Variants in NOL3 observed in about 807,000 individuals in gnomAD.
The protein encoded by NOL3 is muscle-enriched cytoplasmic protein.
A neutral mutation model predicts 19.2 loss-of-function variants in NOL3; 18 were observed. That is an observed-to-expected ratio of 0.94 (90% confidence interval 0.65 to 1.39). NOL3 has a LOEUF of 1.39. Ranked by LOEUF, NOL3 falls within the 40% of genes most tolerant of loss-of-function variation. NOL3 has a pLI of 0.00. For synonymous variants in NOL3, 127 were observed against 137.3 expected (o/e 0.93, Z 0.52); for missense variants, 290 against 289.5 (o/e 1.00, Z -0.01).
At chr16:67,174,122 G>A in intron 1 of NOL3, 40 bp from the exon 2 acceptor site, 4 of 1,602,716 alleles carry the variant, frequency 2.5e-6, no homozygotes, top group Non-Finnish European at 3.4e-6. Context: ...GCAGCGGGGA[G>A]GGCAACCCCC....
At chr16:67,174,934 C>T (rs777756393) in exon 3 of NOL3, 1 of 1,612,048 alleles carries the variant, frequency 6.2e-7, no homozygotes, top group Non-Finnish European at 8.5e-7. Flanking sequence ...AGGAAAGGGA[C>T]GAGTCCGAAG....
At chr16:67,175,428 G>C (rs1482118057) in exon 4 of NOL3, 1 of 951,476 alleles carries the variant, frequency 1.1e-6, no homozygotes, top group East Asian at 5.1e-5. Context: ...TGAGCCACTT[G>C]GCAGCATATG....
intron 1 of NOL3, chr16:67,171,906 C>A: frequency 6.6e-6 from 1 of 152,078 alleles, no homozygotes; most frequent in East Asian, 1.9e-4. Flanking sequence ...ACATACGGGA[C>A]ATAAAGGGAG....
intron 1 of NOL3, chr16:67,173,085 G>A: frequency 7.3e-6 from 1 of 137,772 alleles, no homozygotes. Flanking sequence ...GCAACAGCGA[G>A]ACTCCATCTC....
At chr16:67,175,321 T>G in exon 4 of NOL3, 1 of 1,376,748 alleles carries the variant, frequency 7.3e-7, no homozygotes, top group Middle Eastern at 2.7e-4. Context: ...AATCTGCCCT[T>G]AGGAGTCCAG....
chr16:67,175,281 C>G, exon 4 of NOL3: 1 of 1,429,742 alleles, frequency 7.0e-7, no homozygotes. Flanking sequence ...GGCCCAAGCC[C>G]ACCACGAGCA....
exon 4 of NOL3, chr16:67,175,384 C>A (rs1192537205): frequency 4.1e-6 from 5 of 1,222,656 alleles, no homozygotes; most frequent in Non-Finnish European, 5.1e-6. Flanking sequence ...AGGACCTGAC[C>A]CTCCTGCCCG....
exon 3 of NOL3, chr16:67,174,923 G>A (rs1420596494): frequency 3.7e-6 from 6 of 1,612,738 alleles, no homozygotes; most frequent in Non-Finnish European, 5.1e-6. Flanking sequence ...GCCCGACTTC[G>A]AGGAAAGGGA....
In NOL3 at chr16:67,174,004, C is replaced by T. The variant is rs2031939633; in HGVS notation, c.-8-158C>T. On this transcript the variant is annotated intron_variant, in intron 1 of 3. Transcript: ENST00000268605. ...GACACCGAGTTCCCCGTGTTGGCCT[C>T]CAGGTCCTGTGCTTGCGGAGCCGTC... 6.5e-7 allele frequency: 1 copy of T among 1,542,498 alleles called. No homozygotes were observed. The highest frequency in any genetic ancestry group is 1.2e-5 in the South Asian group (1 of 84,194).
intron 2 of NOL3, 41 bp from the exon 3 acceptor site, chr16:67,174,580 A>C: frequency 6.6e-7 from 1 of 1,513,356 alleles, no homozygotes; most frequent in South Asian, 1.3e-5. Flanking sequence ...GAAACCGCAC[A>C]GGGGTAAATT....
rs1046660611 is a variant in NOL3 at position 67,175,111 on chromosome 16, G to A, written c.*57G>A. 5 of 1,613,948 alleles carry A rather than the reference G, an allele frequency of 3.1e-6. No individual in the cohort carries two copies. The African/African-American group carries it at 4.0e-5, about 13-fold the overall frequency. On this transcript the variant is annotated 3_prime_UTR_variant, in exon 4 of 4. Transcript: ENST00000268605. ...CATGCTGGATAGGACCTGGGATGCTGCTGGAGCTGAATCGGATGCCACCAA... is the reference window on the plus strand; with the variant it reads ...CATGCTGGATAGGACCTGGGATGCTACTGGAGCTGAATCGGATGCCACCAA...
exon 2 of NOL3, chr16:67,174,294 G>A (rs775557433): frequency 6.2e-7 from 1 of 1,610,660 alleles, no homozygotes; most frequent in Admixed American, 1.7e-5. Context: ...GTGCTCACCG[G>A]GCCAGAGTAC....
At chr16:67,172,801 T>G (rs1405541775) in intron 1 of NOL3, 1 of 149,904 alleles carries the variant, frequency 6.7e-6, no homozygotes, top group South Asian at 2.1e-4. Flanking sequence ...CTGATCAATA[T>G]AGCAAGACCA....
chr16:67,174,859 G>A (rs772725453), exon 3 of NOL3: 5 of 1,609,644 alleles, frequency 3.1e-6, no homozygotes, highest in Non-Finnish European at 4.2e-6. Flanking sequence ...TGGAACCCGA[G>A]GCTGAAGCAG....
chr16:67,174,907 G>T (rs781105697), exon 3 of NOL3: 1 of 1,613,426 alleles, frequency 6.2e-7, no homozygotes, highest in Admixed American at 1.7e-5. Flanking sequence ...CGGACCCAGA[G>T]CCCGAGCCCG....
Position 67,174,183 on chromosome 16 carries a change from A to T in NOL3, c.14A>T (p.Gln5Leu), listed in dbSNP as rs545720249. 40 of 1,610,604 alleles carry T rather than the reference A, an allele frequency of 2.5e-5. 1 individual carries two copies. The South Asian group carries it at 4.1e-4, about 16-fold the overall frequency. ...GCAGCCCCGACAATGGGCAACGCGCAGGAGCGGCCGTCAGAGACTATCGAC... is the reference window on the plus strand; with the variant it reads ...GCAGCCCCGACAATGGGCAACGCGCTGGAGCGGCCGTCAGAGACTATCGAC... The change falls in exon 2 of 4, where the codon CAG (glutamine) becomes CTG (leucine). Residue 5 changes from glutamine (Q) to leucine (L), a missense_variant. Physicochemically the swap from Gln to Leu is moderately radical, Grantham distance 113 (BLOSUM62 -2). Transcript: ENST00000268605.
At chr16:67,173,629 G>C in intron 1 of NOL3, 2 of 554,656 alleles carry the variant, frequency 3.6e-6, no homozygotes, top group Non-Finnish European at 6.4e-6. Context: ...GAGGCAGAAG[G>C]CTGGACTTAG....
chr16:67,173,956 C>G, intron 1 of NOL3: 1 of 1,536,924 alleles, frequency 6.5e-7, no homozygotes, highest in South Asian at 1.2e-5. Context: ...GGAGACAGGA[C>G]AGAGCGTCTG....
chr16:67,172,965 C>T (rs1040780733), intron 1 of NOL3: 1 of 144,654 alleles, frequency 6.9e-6, no homozygotes, highest in Non-Finnish European at 1.5e-5. Context: ...TATAGCAAGA[C>T]CCCACCTCTA....
Sources: allele counts gnomAD v4.1 joint callset, GRCh38; gene constraint gnomAD v4.1.1; transcripts MANE v1.5; gene names NCBI Gene and HGNC (gene_info 2026-07-23, HGNC 2026-07-21).